Variants in STXBP5L observed in about 807,000 individuals in gnomAD.
STXBP5L encodes the protein syntaxin binding protein 5L.
In STXBP5L, 65 loss-of-function variants were observed where a neutral mutation model predicts 144.5. That is an observed-to-expected ratio of 0.45 (90% CI 0.37 to 0.55). The LOEUF (loss-of-function observed/expected upper bound fraction) is 0.55, where lower values mean the gene tolerates loss of function less well. STXBP5L is among the 20% of genes least tolerant of loss of function. The probability of loss-of-function intolerance (pLI) is 0.00; values close to 1 mark genes in which losing one functional copy is unlikely to be tolerated. For synonymous variants in STXBP5L, 505 were observed against 469.6 expected (o/e 1.08, Z -0.97); for missense variants, 1,298 against 1,405.5 (o/e 0.92, Z 1.22).
At chr3:121,343,871 C>T (rs1287028914) in intron 20 of STXBP5L, among the ~76,000 whole-genome samples, 3 of 152,088 alleles carry the variant, frequency 2.0e-5, no homozygotes, top group African/African-American at 7.2e-5. Flanking sequence ...CTACCAATGA[C>T]TTTCTTCACA....
intron 5 of STXBP5L, among the ~76,000 whole-genome samples, chr3:121,052,487 G>A (rs536413292): frequency 1.3e-5 from 2 of 151,860 alleles, no homozygotes; most frequent in Non-Finnish European, 1.5e-5. Flanking sequence ...AGAACCAAAG[G>A]CAAAAACCAC....
chr3:121,097,182 A>C (rs966161498), intron 5 of STXBP5L, among the ~76,000 whole-genome samples: 6 of 152,112 alleles, frequency 3.9e-5, no homozygotes, highest in African/African-American at 1.4e-4. Flanking sequence ...CCCTCCCCAC[A>C]CCAAGCTCAA....
At chr3:120,996,549 A>G (rs1943363947) in intron 3 of STXBP5L, among the ~76,000 whole-genome samples, 2 of 152,114 alleles carry the variant, frequency 1.3e-5, no homozygotes, top group Non-Finnish European at 2.9e-5. Context: ...CTCTAAATTA[A>G]ACCTCTAAAA....
chr3:121,127,154 C>T (rs189787074), intron 7 of STXBP5L, among the ~76,000 whole-genome samples: 1 of 148,636 alleles, frequency 6.7e-6, no homozygotes, highest in Admixed American at 6.6e-5. Context: ...AAAGGAACTC[C>T]TACCTCATGT....
At chr3:121,346,121 C>A (rs367949945) in intron 20 of STXBP5L, among the ~76,000 whole-genome samples, 3 of 147,700 alleles carry the variant, frequency 2.0e-5, no homozygotes, top group South Asian at 4.5e-4. Context: ...GACCCCACAA[C>A]AGGCCCCAGG....
chr3:120,918,774 C>T (rs947956101), intron 2 of STXBP5L, among the ~76,000 whole-genome samples: 4 of 152,082 alleles, frequency 2.6e-5, no homozygotes, highest in Non-Finnish European at 5.9e-5. Context: ...TTTCACTTGG[C>T]TTGAAGTTAT....
At chr3:120,908,929 C>T (rs573630131) in intron 1 of STXBP5L, among the ~76,000 whole-genome samples, 2 of 152,004 alleles carry the variant, frequency 1.3e-5, no homozygotes, top group South Asian at 4.2e-4. Flanking sequence ...CTCCTCCCCC[C>T]CTCCCCGGCA....
chr3:121,352,091 G>A (rs1239024935), intron 20 of STXBP5L, among the ~76,000 whole-genome samples: 1 of 152,134 alleles, frequency 6.6e-6, no homozygotes, highest in Non-Finnish European at 1.5e-5. Flanking sequence ...CTGTAGCCTT[G>A]TAGTATAGTT....
At chr3:121,194,307 C>CT (rs2047832391) in intron 9 of STXBP5L, among the ~76,000 whole-genome samples, 2 of 152,100 alleles carry the variant, frequency 1.3e-5, no homozygotes, top group East Asian at 1.9e-4. Context: ...TTGTCACTGG[C>CT]TTTTTTCTCT....
chr3:121,005,243 T>G (rs562426405), intron 3 of STXBP5L, among the ~76,000 whole-genome samples: 7 of 152,332 alleles, frequency 4.6e-5, no homozygotes, highest in South Asian at 2.1e-4. Flanking sequence ...GTTTTTGGTC[T>G]ATTCAGATAT....
intron 3 of STXBP5L, among the ~76,000 whole-genome samples, chr3:121,021,955 A>T (rs1034157587): frequency 1.3e-5 from 2 of 152,144 alleles, no homozygotes; most frequent in East Asian, 3.8e-4. Flanking sequence ...ACTAAAAAAT[A>T]TACAAAAGAC....
At chr3:121,251,100 G>T (rs145276735) in intron 15 of STXBP5L, among the ~76,000 whole-genome samples, 1 of 151,976 alleles carries the variant, frequency 6.6e-6, no homozygotes, top group African/African-American at 2.4e-5. Flanking sequence ...TGTGGTCTTC[G>T]CCAAGTGCTT....
intron 15 of STXBP5L, among the ~76,000 whole-genome samples, chr3:121,254,673 T>G (rs1028675049): frequency 6.6e-6 from 1 of 152,186 alleles, no homozygotes; most frequent in African/African-American, 2.4e-5. Flanking sequence ...TTCCTTGGTA[T>G]GTAGTATATA....
chr3:121,414,933 T>C (rs564442489), intron 24 of STXBP5L, among the ~76,000 whole-genome samples: 1 of 152,336 alleles, frequency 6.6e-6, no homozygotes, highest in African/African-American at 2.4e-5. Flanking sequence ...GATTTAGGGT[T>C]ATTAGATAAT....
intron 3 of STXBP5L, among the ~76,000 whole-genome samples, chr3:120,978,902 G>A (rs1941411526): frequency 6.6e-6 from 1 of 152,190 alleles, no homozygotes. Flanking sequence ...CGTTCCTCTG[G>A]AAGTTTTGTC....
chr3:120,950,574 G>A (rs1711152998), intron 2 of STXBP5L, among the ~76,000 whole-genome samples: 1 of 152,022 alleles, frequency 6.6e-6, no homozygotes, highest in Non-Finnish European at 1.5e-5. Context: ...TAGGGTACAT[G>A]TGCACAATGT....
chr3:121,231,419 C>T (rs2049305695), intron 11 of STXBP5L, among the ~76,000 whole-genome samples: 1 of 152,072 alleles, frequency 6.6e-6, no homozygotes, highest in Non-Finnish European at 1.5e-5. Flanking sequence ...CCTCTTATGC[C>T]AGGGGCACTG....
chr3:121,208,509 A>T (rs556822352), intron 10 of STXBP5L, among the ~76,000 whole-genome samples: 2 of 151,952 alleles, frequency 1.3e-5, no homozygotes, highest in Non-Finnish European at 2.9e-5. Flanking sequence ...TAACAAAAAA[A>T]CCCACTGTTT....
Position 121,204,056 on chromosome 3 carries a change from G to A in STXBP5L, c.878-1867G>A, listed in dbSNP as rs567902298. On this transcript the variant is annotated intron_variant, in intron 9 of 26. Coordinates refer to ENST00000471454, the MANE Select transcript of STXBP5L (RefSeq NM_001308330.2). ...AGATTGAGACCATCCTGGCTAACAC[G>A]GTGAAATTCTGTCTCTACTAAAAAT... Among the ~76,000 whole-genome samples, 344 of 152,180 alleles carry A rather than the reference G, an allele frequency of 2.3e-3. 3 individuals carry two copies. Among genetic ancestry groups the A allele is most frequent in the Admixed American group, 6.0e-3 (92 of 15,270 alleles).
Sources: allele counts gnomAD v4.1 joint callset (sites outside exome capture counted in the v4.1 genomes callset), GRCh38; gene constraint gnomAD v4.1.1; transcripts MANE v1.5; gene names NCBI Gene and HGNC (gene_info 2026-07-23, HGNC 2026-07-21).